The following SMOC2 variants were observed in gnomAD, a reference collection of about 807,000 sequenced individuals.
SMOC2 encodes the protein SPARC related modular calcium binding 2.
In SMOC2, 39 loss-of-function variants were observed where a neutral mutation model predicts 61.4. The ratio of observed to expected loss-of-function variants is 0.64; its 90% CI spans 0.49 to 0.83. SMOC2 has a LOEUF of 0.83. Among genes scored for constraint, SMOC2 ranks in the 40% least tolerant of loss-of-function variants. SMOC2 has a pLI of 0.00. For synonymous variants in SMOC2, 247 were observed against 239.9 expected, an observed-to-expected ratio of 1.03 and a Z score of -0.27; for missense variants, 556 against 592.9, an observed-to-expected ratio of 0.94 and a Z score of 0.65.
intron 1 of SMOC2, among the ~76,000 whole-genome samples, chr6:168,451,746 G>A (rs573527763): frequency 1.1e-4 from 17 of 152,276 alleles, no homozygotes; most frequent in South Asian, 6.2e-4. Flanking sequence ...TTTAGGATAC[G>A]CAGATCTGTG....
chr6:168,578,865 T>A (rs1784864707), intron 7 of SMOC2, among the ~76,000 whole-genome samples: 1 of 152,148 alleles, frequency 6.6e-6, no homozygotes, highest in South Asian at 2.1e-4. Context: ...GGTTAAGGAT[T>A]TTCAAGTAGG....
At position 168,595,329 on chromosome 6, in the gene SMOC2, C is replaced by T. The variant is rs983617961; in HGVS notation, c.638-3489C>T. ...CACGGCCCCATGCGCCTCCCCAAGA[C>T]GGAAATCTCCCGTGCTGTGGTGACA... On this transcript the variant is annotated intron_variant, in intron 7 of 12. Transcript: ENST00000356284. Among the ~76,000 whole-genome samples, 9 of 152,320 alleles carry T rather than the reference C, an allele frequency of 5.9e-5. No individual in the cohort carries two copies. In the South Asian group the frequency reaches 8.3e-4, roughly 14 times the overall value.
intron 1 of SMOC2, among the ~76,000 whole-genome samples, chr6:168,441,746 C>A (rs1562531838): frequency 6.6e-6 from 1 of 152,178 alleles, no homozygotes; most frequent in Non-Finnish European, 1.5e-5. Context: ...GCCTCGGGGG[C>A]TCTGACCCGG....
chr6:168,479,604 G>C (rs1412977603), intron 1 of SMOC2, among the ~76,000 whole-genome samples: 4 of 152,206 alleles, frequency 2.6e-5, no homozygotes, highest in African/African-American at 9.6e-5. Flanking sequence ...CACAGTAGCA[G>C]CTACCCACTC....
chr6:168,635,547 C>T (rs1165826649), intron 9 of SMOC2, among the ~76,000 whole-genome samples: 1 of 152,074 alleles, frequency 6.6e-6, no homozygotes, highest in African/African-American at 2.4e-5. Context: ...GTCTAAAGGT[C>T]GCTTTGAAAG....
At chr6:168,558,983 A>T (rs1412544878) in intron 7 of SMOC2, among the ~76,000 whole-genome samples, 4 of 152,360 alleles carry the variant, frequency 2.6e-5, no homozygotes, top group African/African-American at 9.6e-5. Context: ...GCGTGCACAC[A>T]TGCATGTTTA....
chr6:168,636,145 C>A (rs1238499644), intron 9 of SMOC2, among the ~76,000 whole-genome samples: 1 of 152,142 alleles, frequency 6.6e-6, no homozygotes, highest in Non-Finnish European at 1.5e-5. Context: ...AGACTTCTGC[C>A]GTGAAAGTTT....
chr6:168,635,102 C>G (rs970683815), intron 9 of SMOC2, among the ~76,000 whole-genome samples: 1 of 152,206 alleles, frequency 6.6e-6, no homozygotes, highest in Non-Finnish European at 1.5e-5. Flanking sequence ...CTTCTCACGC[C>G]TCGTGAGCAC....
intron 2 of SMOC2, among the ~76,000 whole-genome samples, chr6:168,524,952 T>TCGGATC (rs1783420323): frequency 2.0e-5 from 3 of 152,024 alleles, no homozygotes. Flanking sequence ...GGGCTGGTAA[T>TCGGATC]CGGATCGCAT....
intron 1 of SMOC2, among the ~76,000 whole-genome samples, chr6:168,459,873 G>A (rs1781683474): frequency 6.6e-6 from 1 of 151,952 alleles, no homozygotes; most frequent in Non-Finnish European, 1.5e-5. Context: ...CCCGGGGGTG[G>A]GTGAGACCTT....
rs1043272965 is a variant in SMOC2, at chr6:168,659,077, GT to G, written c.1286-4996del. 1.9e-4 allele frequency among the ~76,000 whole-genome samples: 28 copies of G among 148,528 alleles called. No individual in the cohort carries two copies. In the South Asian group the frequency reaches 4.9e-3, roughly 26 times the overall value. On this transcript the variant is annotated intron_variant, in intron 11 of 12. Coordinates refer to ENST00000356284, the MANE Select transcript of SMOC2 (RefSeq NM_001166412.2). ...TGTGGGGTGTGTGTGTGAGTGGTGT[GT>G]ATGTATGTGTATAGCATGTGGTGTG... is the stretch of plus-strand genomic sequence containing the variant.
At chr6:168,588,926 A>G (rs1286884908) in intron 7 of SMOC2, among the ~76,000 whole-genome samples, 2 of 151,166 alleles carry the variant, frequency 1.3e-5, no homozygotes, top group Non-Finnish European at 2.9e-5. Context: ...AAAAAATACA[A>G]AAAATTAATT....
intron 1 of SMOC2, among the ~76,000 whole-genome samples, chr6:168,461,221 G>A (rs1024742467): frequency 2.0e-5 from 3 of 152,146 alleles, no homozygotes; most frequent in African/African-American, 4.8e-5. Context: ...CTTGTGAGAC[G>A]TATTCACTAT....
chr6:168,509,981 CCT>C lies in SMOC2; in HGVS notation c.156_157del (p.Cys53ArgfsTer3). ...GGACTGTGCGGGTTCGCCCCAGAAA[CCT>C]CTCTGCGCATCTGACGGAAGGACCT... ...SLDCAGSPQK[P>X]LCASDGRTFL... On this transcript the variant is annotated frameshift_variant, in exon 2 of 13. Transcript: ENST00000356284. LOFTEE classifies it high-confidence loss of function. 1.2e-6 allele frequency: 2 copies of C among 1,614,182 alleles called. No individual in the cohort carries two copies. The highest frequency in any genetic ancestry group is 8.5e-7 in the Non-Finnish European group (1 of 1,180,038).
chr6:168,645,664 A>C (rs1053369213), intron 9 of SMOC2, among the ~76,000 whole-genome samples: 11 of 152,120 alleles, frequency 7.2e-5, no homozygotes, highest in Admixed American at 1.3e-4. Context: ...CCACGAAGTG[A>C]CCCCAAGGTG....
intron 1 of SMOC2, among the ~76,000 whole-genome samples, chr6:168,506,582 T>C (rs1355635946): frequency 6.6e-6 from 1 of 152,194 alleles, no homozygotes; most frequent in Non-Finnish European, 1.5e-5. Context: ...CTTTGATCCA[T>C]TGAGTCTGTC....
intron 2 of SMOC2, among the ~76,000 whole-genome samples, chr6:168,511,825 T>TTTC (rs1259669630): frequency 6.6e-6 from 1 of 151,130 alleles, no homozygotes; most frequent in East Asian, 1.9e-4. Context: ...TTTTTTTTTT[T>TTTC]TTTTCTGAAA....
At chr6:168,629,590 C>A (rs1242107585) in intron 9 of SMOC2, among the ~76,000 whole-genome samples, 1 of 152,176 alleles carries the variant, frequency 6.6e-6, no homozygotes, top group Non-Finnish European at 1.5e-5. Context: ...AGAAGGAATC[C>A]CTGTAGCTAG....
At chr6:168,563,042 C>T (rs1240034050) in intron 7 of SMOC2, among the ~76,000 whole-genome samples, 3 of 152,224 alleles carry the variant, frequency 2.0e-5, no homozygotes, top group African/African-American at 2.4e-5. Flanking sequence ...GCCATAATTC[C>T]GTCTGCGTCG....
Sources: gnomAD v4.1 joint callset for allele counts (sites outside exome capture counted in the v4.1 genomes callset) on GRCh38, gnomAD v4.1.1 for gene constraint, MANE v1.5 for transcripts, NCBI Gene and HGNC (gene_info 2026-07-23, HGNC 2026-07-21) for gene names.